The following PPP1R9A variants were observed in gnomAD, a reference collection of about 807,000 sequenced individuals.
The protein encoded by PPP1R9A is neurabin-1.
In PPP1R9A, 59 loss-of-function variants were observed where a neutral mutation model predicts 141.9. The observed-to-expected ratio is 0.42, with a 90% CI of 0.34 to 0.52. PPP1R9A has a LOEUF of 0.52. Ranked by LOEUF, PPP1R9A falls within the 20% of genes least tolerant of loss-of-function variation. PPP1R9A has a pLI of 0.10. For missense variants in PPP1R9A, 1,444 were observed against 1,611.9 expected (o/e 0.90, Z 1.78); for synonymous variants, 500 against 569.7 (o/e 0.88, Z 1.74).
At chr7:95,249,184 T>G (rs1407944405) in intron 9 of PPP1R9A, among the ~76,000 whole-genome samples, 4 of 152,096 alleles carry the variant, frequency 2.6e-5, no homozygotes, top group Non-Finnish European at 5.9e-5. Context: ...TTCTGTTCCG[T>G]GGGAGGGAAT....
chr7:94,970,891 TA>T (rs1798788768), intron 2 of PPP1R9A, among the ~76,000 whole-genome samples: 1 of 152,130 alleles, frequency 6.6e-6, no homozygotes, highest in Non-Finnish European at 1.5e-5. Context: ...CTTTAGTATT[TA>T]AATCTTCTGT....
intron 5 of PPP1R9A, among the ~76,000 whole-genome samples, chr7:95,178,321 A>G (rs1365110158): frequency 1.3e-5 from 2 of 152,094 alleles, no homozygotes; most frequent in African/African-American, 4.8e-5. Context: ...AAACTTAAAA[A>G]TTCTTCAAAC....
rs754672324 is a variant in PPP1R9A, at chr7:94,990,951, C to G, written c.1395+79443C>G. Among the ~76,000 whole-genome samples the G allele has an allele frequency of 4.6e-5, 7 of 151,988 alleles. No individual in the cohort carries two copies. In the East Asian group the frequency reaches 1.2e-3, roughly 25 times the overall value. Reference sequence around the variant, plus strand: ...ACCACATTTTCTTTATCTCTGTTGTCGGACACCTGATTTAATTTCATATCT... The same window carrying G: ...ACCACATTTTCTTTATCTCTGTTGTGGGACACCTGATTTAATTTCATATCT... On this transcript the variant is annotated intron_variant, in intron 2 of 19. Coordinates refer to ENST00000433360, the MANE Select transcript of PPP1R9A (RefSeq NM_001166160.2).
chr7:95,276,094 T>A (rs1803138102), intron 16 of PPP1R9A, among the ~76,000 whole-genome samples: 1 of 152,024 alleles, frequency 6.6e-6, no homozygotes, highest in Non-Finnish European at 1.5e-5. Flanking sequence ...TGAAACCGTT[T>A]AGGGGAGAAA....
intron 2 of PPP1R9A, among the ~76,000 whole-genome samples, chr7:95,078,666 G>A (rs1485543150): frequency 6.6e-6 from 1 of 152,070 alleles, no homozygotes; most frequent in African/African-American, 2.4e-5. Context: ...TTTAATGATT[G>A]CCATTCTAAC....
intron 2 of PPP1R9A, among the ~76,000 whole-genome samples, chr7:95,002,079 G>C (rs1268270007): frequency 6.6e-6 from 1 of 152,170 alleles, no homozygotes; most frequent in Non-Finnish European, 1.5e-5. Flanking sequence ...TTGGTCTATT[G>C]AGAGGGAAAT....
intron 2 of PPP1R9A, among the ~76,000 whole-genome samples, chr7:94,999,516 A>G (rs1283348760): frequency 1.4e-4 from 21 of 152,202 alleles, no homozygotes; most frequent in Non-Finnish European, 7.3e-5. Context: ...TCTTACTTAA[A>G]AAAGAAAATC....
chr7:95,010,911 A>C (rs1253400437), intron 2 of PPP1R9A, among the ~76,000 whole-genome samples: 1 of 152,162 alleles, frequency 6.6e-6, no homozygotes, highest in Non-Finnish European at 1.5e-5. Context: ...CTGTTCATAA[A>C]GATATACAAG....
At chr7:95,151,297 A>G (rs1438380287) in intron 4 of PPP1R9A, among the ~76,000 whole-genome samples, 1 of 152,258 alleles carries the variant, frequency 6.6e-6, no homozygotes, top group Non-Finnish European at 1.5e-5. Context: ...TCAGTGCTAA[A>G]AAGAAATGAG....
chr7:95,239,975 CAGAT>C (rs1353425354), intron 8 of PPP1R9A, among the ~76,000 whole-genome samples: 32 of 152,062 alleles, frequency 2.1e-4, no homozygotes, highest in African/African-American at 7.2e-4. Flanking sequence ...ATATTTACAA[CAGAT>C]AGTTATACTC....
At chr7:95,246,058 C>T (rs1798076357) in intron 8 of PPP1R9A, among the ~76,000 whole-genome samples, 1 of 152,166 alleles carries the variant, frequency 6.6e-6, no homozygotes, top group African/African-American at 2.4e-5. Flanking sequence ...ACAGGAGGAG[C>T]ACTTTACAAG....
At chr7:95,206,846 G>A (rs1790909281) in intron 7 of PPP1R9A, among the ~76,000 whole-genome samples, 1 of 152,074 alleles carries the variant, frequency 6.6e-6, no homozygotes, top group Non-Finnish European at 1.5e-5. Flanking sequence ...AAAACCCAGG[G>A]TCCACCTGAT....
intron 4 of PPP1R9A, among the ~76,000 whole-genome samples, chr7:95,122,164 T>TTTA (rs1822740710): frequency 2.0e-5 from 3 of 148,946 alleles, no homozygotes; most frequent in African/African-American, 2.5e-5. Flanking sequence ...TTTTTTTTTT[T>TTTA]GAGATGGCAT....
rs150103038 is a variant in PPP1R9A at position 95,045,440 on chromosome 7, C to T, written c.1396-65819C>T. Reference sequence around the variant, plus strand: ...CCCGCATGCGCAGTGGCCTGCTAACCCTTGGGAGGTGAGCATGCGCAGTGT... The same window carrying T: ...CCCGCATGCGCAGTGGCCTGCTAACTCTTGGGAGGTGAGCATGCGCAGTGT... On this transcript the variant is annotated intron_variant, in intron 2 of 19. Coordinates refer to ENST00000433360, the MANE Select transcript of PPP1R9A (RefSeq NM_001166160.2). Among the ~76,000 whole-genome samples the T allele has an allele frequency of 3.9e-3, 596 of 152,256 alleles. 23 individuals carry two copies. The highest frequency in any genetic ancestry group is 0.037 in the East Asian group (192 of 5,172).
At chr7:94,977,604 A>G (rs1368413474) in intron 2 of PPP1R9A, among the ~76,000 whole-genome samples, 4 of 152,136 alleles carry the variant, frequency 2.6e-5, no homozygotes, top group African/African-American at 9.7e-5. Flanking sequence ...ATTGAAGATT[A>G]ACAAGTCAGA....
intron 5 of PPP1R9A, among the ~76,000 whole-genome samples, chr7:95,192,300 A>C (rs1481906983): frequency 6.6e-6 from 1 of 152,036 alleles, no homozygotes; most frequent in African/African-American, 2.4e-5. Context: ...GTAATCAATA[A>C]GTAATGTATA....
intron 5 of PPP1R9A, among the ~76,000 whole-genome samples, chr7:95,181,371 AATAT>A (rs200810336): frequency 0.012 from 1,618 of 139,058 alleles, 42 homozygotes; most frequent in African/African-American, 0.041. Context: ...ATATGTATGG[AATAT>A]ATAGAGAGAA....
chr7:95,012,602 A>G (rs1427758412), intron 2 of PPP1R9A, among the ~76,000 whole-genome samples: 2 of 152,190 alleles, frequency 1.3e-5, no homozygotes, highest in Non-Finnish European at 2.9e-5. Flanking sequence ...GGATATCCGT[A>G]AGATGAACAA....
At chr7:95,011,086 T>G (rs1804350832) in intron 2 of PPP1R9A, among the ~76,000 whole-genome samples, 1 of 152,208 alleles carries the variant, frequency 6.6e-6, no homozygotes, top group South Asian at 2.1e-4. Flanking sequence ...TCAGCCTTTC[T>G]TTAAAGATAT....
Sources: gnomAD v4.1 joint callset for allele counts (sites outside exome capture counted in the v4.1 genomes callset) on GRCh38, gnomAD v4.1.1 for gene constraint, MANE v1.5 for transcripts, NCBI Gene and HGNC (gene_info 2026-07-23, HGNC 2026-07-21) for gene names.